The following CSMD1 variants were observed in gnomAD, a reference collection of about 807,000 sequenced individuals.
The protein encoded by CSMD1 is CUB and Sushi multiple domains 1.
In CSMD1, 213 loss-of-function variants were observed where a neutral mutation model predicts 417.5. The observed-to-expected ratio is 0.51, with a 90% CI of 0.46 to 0.57. The LOEUF is 0.57. CSMD1 is among the 20% of genes least tolerant of loss of function. The pLI is 0.00. For synonymous variants in CSMD1, 2,862 were observed against 1,736.8 expected (o/e 1.65, Z -16.11); for missense variants, 6,923 against 4,529.7 (o/e 1.53, Z -15.17).
intron 5 of CSMD1, among the ~76,000 whole-genome samples, chr8:3,933,824 G>C (rs916419802): frequency 6.6e-6 from 1 of 152,006 alleles, no homozygotes. Context: ...AAACCAATTA[G>C]TCCAACATGG....
chr8:4,002,381 C>A (rs1312769917), intron 4 of CSMD1, among the ~76,000 whole-genome samples: 1 of 152,118 alleles, frequency 6.6e-6, no homozygotes, highest in Non-Finnish European at 1.5e-5. Context: ...ACATTTTAAA[C>A]ATAATAGCAT....
chr8:3,775,983 T>C (rs984550470), intron 5 of CSMD1, among the ~76,000 whole-genome samples: 1 of 152,212 alleles, frequency 6.6e-6, no homozygotes, highest in Non-Finnish European at 1.5e-5. Context: ...CCAGGCTTCC[T>C]CCTCAGAGCT....
At chr8:2,946,985 C>T (rs73179580) in intron 68 of CSMD1, among the ~76,000 whole-genome samples, 9,449 of 152,252 alleles carry the variant, frequency 0.062, 437 homozygotes, top group South Asian at 0.16. Context: ...TTATAATCAA[C>T]ATCTTTTCAT....
In CSMD1 at chr8:3,440,856, T is replaced by C. The variant is rs573287611; in HGVS notation, c.1561+27856A>G. 2.8e-4 allele frequency among the ~76,000 whole-genome samples: 42 copies of C among 152,120 alleles called. 1 individual carries two copies. The South Asian group carries it at 6.6e-3, about 24-fold the overall frequency. ...ATTTCCTCCTGCCTTGCTGAGACGTTGTCATGAACAGACGTTACAGCAGGC... is the reference window on the plus strand; with the variant it reads ...ATTTCCTCCTGCCTTGCTGAGACGTCGTCATGAACAGACGTTACAGCAGGC... On this transcript the variant is annotated intron_variant, in intron 12 of 69. Coordinates refer to ENST00000635120, the MANE Select transcript of CSMD1 (RefSeq NM_033225.6).
chr8:4,719,245 A>AT (rs1329242955), intron 1 of CSMD1, among the ~76,000 whole-genome samples: 2 of 152,192 alleles, frequency 1.3e-5, no homozygotes, highest in African/African-American at 4.8e-5. Flanking sequence ...TAGATTTTGC[A>AT]TTTTGTGCAA....
intron 1 of CSMD1, among the ~76,000 whole-genome samples, chr8:4,795,502 C>A (rs900856321): frequency 1.3e-5 from 2 of 151,674 alleles, no homozygotes; most frequent in Non-Finnish European, 2.9e-5. Flanking sequence ...GATATCCTGA[C>A]CTGCCCACCT....
chr8:3,028,286 C>T (rs923920048), intron 51 of CSMD1, among the ~76,000 whole-genome samples: 3 of 152,126 alleles, frequency 2.0e-5, no homozygotes, highest in African/African-American at 7.2e-5. Context: ...CTGGAATCTC[C>T]AGGTGACAAA....
chr8:4,392,909 C>T (rs1459351559), intron 3 of CSMD1, among the ~76,000 whole-genome samples: 5 of 151,044 alleles, frequency 3.3e-5, no homozygotes, highest in African/African-American at 1.2e-4. Flanking sequence ...ACGGAGCTTG[C>T]AGTGAGCGGA....
At chr8:3,584,617 T>C (rs776609810) in intron 9 of CSMD1, among the ~76,000 whole-genome samples, 5 of 152,148 alleles carry the variant, frequency 3.3e-5, no homozygotes, top group Non-Finnish European at 5.9e-5. Context: ...AAAGGCAATG[T>C]CATAGGTAAA....
intron 3 of CSMD1, among the ~76,000 whole-genome samples, chr8:4,130,282 G>C (rs1459751529): frequency 6.6e-6 from 1 of 152,142 alleles, no homozygotes; most frequent in East Asian, 1.9e-4. Context: ...CAAACGATTA[G>C]TTTAACATCT....
intron 26 of CSMD1, among the ~76,000 whole-genome samples, chr8:3,238,134 G>C (rs929761978): frequency 6.6e-6 from 1 of 151,856 alleles, no homozygotes; most frequent in Non-Finnish European, 1.5e-5. Context: ...ATAAGATTTG[G>C]GTACGTAAAG....
In CSMD1 at chr8:3,219,336, C is replaced by G; in HGVS notation, c.4591G>C (p.Glu1531Gln). Residue 1531 changes from glutamate to glutamine, a missense_variant, in exon 29 of 70, where the codon GAG becomes CAG. Coordinates refer to ENST00000635120, the MANE Select transcript of CSMD1 (RefSeq NM_033225.6). The stretch of plus-strand genomic sequence containing the variant: ...AGAAACAGGCTGTTTCCGCTACTCT[C>G]TATTCTTTCTGGGGCCTGAGAGCCC... ...YQGSQAPERIESSGNSLFLAF... is the reference protein window; with the variant it reads ...YQGSQAPERIQSSGNSLFLAF... 3.2e-6 allele frequency: 5 copies of G among 1,581,390 alleles called. No individual in the cohort carries two copies. The highest frequency in any genetic ancestry group is 3.4e-6 in the Non-Finnish European group (4 of 1,162,742).
chr8:4,351,228 C>T (rs1407355791), intron 3 of CSMD1, among the ~76,000 whole-genome samples: 3 of 151,988 alleles, frequency 2.0e-5, no homozygotes, highest in Non-Finnish European at 4.4e-5. Flanking sequence ...CACCTGATAC[C>T]TAAAGCTCCA....
At chr8:3,742,517 C>A (rs999965783) in intron 6 of CSMD1, among the ~76,000 whole-genome samples, 1 of 152,172 alleles carries the variant, frequency 6.6e-6, no homozygotes, top group Non-Finnish European at 1.5e-5. Context: ...ATAGTTGGCA[C>A]TGCACTGAAA....
chr8:4,329,005 T>C (rs978798230), intron 3 of CSMD1, among the ~76,000 whole-genome samples: 4 of 152,218 alleles, frequency 2.6e-5, no homozygotes, highest in African/African-American at 7.2e-5. Context: ...ACTATTCCTC[T>C]TGGGCTTCCA....
At chr8:4,391,251 C>A (rs1161252640) in intron 3 of CSMD1, among the ~76,000 whole-genome samples, 2 of 152,154 alleles carry the variant, frequency 1.3e-5, no homozygotes, top group South Asian at 2.1e-4. Flanking sequence ...CACCATAACT[C>A]CCCCACTCAC....
intron 1 of CSMD1, among the ~76,000 whole-genome samples, chr8:4,766,672 G>C (rs1202938498): frequency 6.6e-6 from 1 of 152,198 alleles, no homozygotes. Flanking sequence ...GGAGCCCATG[G>C]TGGCTCCTGA....
At chr8:3,820,598 T>C (rs1801677117) in intron 5 of CSMD1, among the ~76,000 whole-genome samples, 1 of 152,184 alleles carries the variant, frequency 6.6e-6, no homozygotes, top group Non-Finnish European at 1.5e-5. Context: ...TGTTTTGAGA[T>C]GGAGTCTTGC....
intron 5 of CSMD1, among the ~76,000 whole-genome samples, chr8:3,890,402 G>A (rs1434701409): frequency 3.3e-5 from 5 of 151,916 alleles, no homozygotes; most frequent in Non-Finnish European, 5.9e-5. Context: ...AAAGACAAAG[G>A]GGACATCAGA....
Sources: allele counts gnomAD v4.1 joint callset (sites outside exome capture counted in the v4.1 genomes callset), GRCh38; gene constraint gnomAD v4.1.1; transcripts MANE v1.5; gene names NCBI Gene and HGNC (gene_info 2026-07-23, HGNC 2026-07-21).